Variants in RIOX2 observed in about 807,000 individuals in gnomAD.
RIOX2 encodes ribosomal oxygenase 2.
Under a neutral mutation model 51.2 loss-of-function variants are expected in RIOX2, and 43 were observed. The observed-to-expected ratio is 0.84, with a 90% CI of 0.66 to 1.08. RIOX2 has a LOEUF of 1.08. Among genes scored for constraint, RIOX2 ranks in the 50% least tolerant of loss-of-function variants. The pLI, the probability that RIOX2 is intolerant of heterozygous loss-of-function variation, is 0.00. For synonymous variants in RIOX2, 226 were observed against 218.5 expected (o/e 1.03, Z -0.30); for missense variants, 566 against 561.7 (o/e 1.01, Z -0.08).
chr3:97,965,565 T>G (rs1328658592), intron 2 of RIOX2, among the ~76,000 whole-genome samples: 3 of 150,900 alleles, frequency 2.0e-5, no homozygotes, highest in Non-Finnish European at 4.4e-5. Flanking sequence ...GAATTTGGGC[T>G]GAGAAAGCTC....
rs747442689 is a variant in RIOX2, at chr3:97,949,984, C to T, written c.920G>A (p.Arg307Gln). The change falls in exon 7 of 10, where the codon CGA becomes CAA. Residue 307 changes from arginine (R) to glutamine (Q), a missense_variant. By Grantham distance (43) the Arg-to-Gln change is conservative (BLOSUM62 1). Coordinates refer to ENST00000394198, the MANE Select transcript of RIOX2 (RefSeq NM_153182.4). ...AAGTGTCCTCAGGAAGCCACTTAAT[C>T]GTCTTGTAGCAACAGTTGTGGATTC... The part of the protein sequence containing the change: ...QVESTTVATR[R>Q]LSGFLRTLAD... 8.1e-6 allele frequency: 13 copies of T among 1,613,706 alleles called. No homozygotes were observed. In the African/African-American group the frequency reaches 1.1e-4, roughly 13 times the overall value.
chr3:97,948,183 T>A (rs2040406771), intron 7 of RIOX2, among the ~76,000 whole-genome samples: 1 of 152,194 alleles, frequency 6.6e-6, no homozygotes, highest in Non-Finnish European at 1.5e-5. Context: ...ATTTGCTATT[T>A]TGAATAGATA....
chr3:97,971,552 T>C (rs537081080), intron 1 of RIOX2: 23 of 152,346 alleles, frequency 1.5e-4, no homozygotes, highest in African/African-American at 4.1e-4. Flanking sequence ...TCAGCAGTTA[T>C]CTTTTTAGTC....
At position 97,943,580 on chromosome 3, in the gene RIOX2, T is replaced by C; in HGVS notation, c.*1604A>G. On this transcript the variant is annotated 3_prime_UTR_variant, in exon 10 of 10. Coordinates refer to ENST00000394198, the MANE Select transcript of RIOX2 (RefSeq NM_153182.4). ...CTGATCTCCAGCTGTGGTGAGCAAGTTTCCTGAAGTGTTTATTTTCTCTCA... is the reference window on the plus strand; with the variant it reads ...CTGATCTCCAGCTGTGGTGAGCAAGCTTCCTGAAGTGTTTATTTTCTCTCA... The C allele has an allele frequency of 2.6e-6, 1 of 389,472 alleles. No homozygotes were observed. The highest frequency in any genetic ancestry group is 3.3e-5 in the South Asian group (1 of 30,662). 24.1% of individuals were successfully genotyped at this position (389,472 alleles called of 1,614,324 possible).
At chr3:97,956,229 G>T (rs946422600) in intron 4 of RIOX2, among the ~76,000 whole-genome samples, 2 of 152,094 alleles carry the variant, frequency 1.3e-5, no homozygotes, top group African/African-American at 4.8e-5. Flanking sequence ...GTCTGTTGTT[G>T]ACTAAAATGT....
At chr3:97,967,653 A>C in intron 1 of RIOX2, 21 bp from the exon 2 acceptor site, 3 of 1,472,412 alleles carry the variant, frequency 2.0e-6, no homozygotes, top group Non-Finnish European at 2.7e-6. Context: ...AACAAAACAC[A>C]CATGGTTAGG....
intron 8 of RIOX2, among the ~76,000 whole-genome samples, chr3:97,947,046 G>A (rs942811866): frequency 3.3e-5 from 5 of 152,016 alleles, no homozygotes; most frequent in African/African-American, 1.2e-4. Context: ...GGAGGACTGG[G>A]GCTGAGAAAC....
At chr3:97,947,047 G>C (rs2040383521) in intron 8 of RIOX2, among the ~76,000 whole-genome samples, 1 of 152,068 alleles carries the variant, frequency 6.6e-6, no homozygotes, top group Non-Finnish European at 1.5e-5. Context: ...GAGGACTGGG[G>C]CTGAGAAACT....
Position 97,943,312 on chromosome 3 carries a change from TGA to T in RIOX2, c.*1870_*1871del. On this transcript the variant is annotated 3_prime_UTR_variant, in exon 10 of 10. Coordinates refer to ENST00000394198, the MANE Select transcript of RIOX2 (RefSeq NM_153182.4). Reference sequence around the variant, plus strand: ...ACAGAAATGGGACATTGAAATATTGTGAGAGAATCAACATCCCTAGAAAGATC... The same window carrying T: ...ACAGAAATGGGACATTGAAATATTGTGAGAATCAACATCCCTAGAAAGATC... The T allele has an allele frequency of 1.3e-6, 2 of 1,539,176 alleles. No individual in the cohort carries two copies. Among genetic ancestry groups the T allele is most frequent in the African/African-American group, 1.4e-5 (1 of 73,208 alleles).
chr3:97,943,324 CATCCCTAGAAAG>C lies in RIOX2; in HGVS notation c.*1848_*1859del, dbSNP rs759118961. 1.7e-5 allele frequency: 25 copies of C among 1,465,484 alleles called. No individual in the cohort carries two copies. Among genetic ancestry groups the C allele is most frequent in the Middle Eastern group, 1.7e-4 (1 of 5,764 alleles). 90.8% of individuals were successfully genotyped at this position (1,465,484 alleles called of 1,614,324 possible). ...CATTGAAATATTGTGAGAGAATCAA[CATCCCTAGAAAG>C]ATCCCTAGAAAGAGCAAAGAAGGAA... On this transcript the variant is annotated 3_prime_UTR_variant, in exon 10 of 10. Coordinates refer to ENST00000394198, the MANE Select transcript of RIOX2 (RefSeq NM_153182.4).
chr3:97,958,986 GTCTT>G, intron 4 of RIOX2, 61 bp downstream of exon 4: 1 of 1,503,438 alleles, frequency 6.7e-7, no homozygotes, highest in Middle Eastern at 1.8e-4. Flanking sequence ...GCCTGAACTT[GTCTT>G]AGCAATAGGG....
chr3:97,945,700 G>A, intron 9 of RIOX2, 98 bp downstream of exon 9: 1 of 914,632 alleles, frequency 1.1e-6, no homozygotes, highest in Non-Finnish European at 1.7e-6. Context: ...CCACAGTGCA[G>A]CCATAAAAAG....
intron 1 of RIOX2, chr3:97,971,662 A>C (rs746766619): frequency 1.5e-4 from 23 of 152,206 alleles, no homozygotes; most frequent in Admixed American, 6.5e-4. Context: ...CCAGCAGAAG[A>C]AGCTGAGTAA....
At chr3:97,970,527 G>A (rs140016629) in intron 1 of RIOX2, among the ~76,000 whole-genome samples, 343 of 152,146 alleles carry the variant, frequency 2.3e-3, no homozygotes, top group African/African-American at 8.0e-3. Context: ...TCATAATTTC[G>A]GAAACAGCAA....
At chr3:97,964,409 G>A (rs1384385517) in intron 2 of RIOX2, among the ~76,000 whole-genome samples, 10 of 151,992 alleles carry the variant, frequency 6.6e-5, no homozygotes, top group Admixed American at 3.3e-4. Flanking sequence ...TGGAGTCCAC[G>A]GCTGGGTGCG....
At chr3:97,966,634 T>C (rs1024396680) in intron 2 of RIOX2, among the ~76,000 whole-genome samples, 2 of 152,208 alleles carry the variant, frequency 1.3e-5, no homozygotes, top group African/African-American at 2.4e-5. Context: ...GGTACCTCAA[T>C]GTCACCCATT....
chr3:97,958,956 A>G (rs1705558145), intron 4 of RIOX2, 95 bp downstream of exon 4: 1 of 1,364,306 alleles, frequency 7.3e-7, no homozygotes, highest in Admixed American at 2.5e-5. Flanking sequence ...GGGGACCATC[A>G]CACGAACTCT....
At chr3:97,960,163 A>G (rs1396382647) in intron 3 of RIOX2, among the ~76,000 whole-genome samples, 1 of 152,182 alleles carries the variant, frequency 6.6e-6, no homozygotes, top group African/African-American at 2.4e-5. Flanking sequence ...ATGTGCCACT[A>G]CTGCTACTGC....
At chr3:97,951,172 A>G (rs1004271103) in intron 5 of RIOX2, 1 of 283,290 alleles carries the variant, frequency 3.5e-6, no homozygotes, top group Admixed American at 5.0e-5. Context: ...CAGAAAATTA[A>G]CCATAGACTT....
Sources: gnomAD v4.1 joint callset for allele counts (sites outside exome capture counted in the v4.1 genomes callset) on GRCh38, gnomAD v4.1.1 for gene constraint, MANE v1.5 for transcripts, NCBI Gene and HGNC (gene_info 2026-07-23, HGNC 2026-07-21) for gene names.